The following NRXN1 variants were observed in gnomAD, a reference collection of about 807,000 sequenced individuals.
NRXN1 encodes the protein neurexin-1.
In NRXN1, 39 loss-of-function variants were observed where a neutral mutation model predicts 150.9. That is an observed-to-expected ratio of 0.26 (90% confidence interval 0.20 to 0.34). The LOEUF is 0.34. NRXN1 is among the 10% of genes least tolerant of loss of function. The pLI is 1.00. For missense variants in NRXN1, 1,815 were observed against 1,949.9 expected, an observed-to-expected ratio of 0.93 and a Z score of 1.30; for synonymous variants, 924 against 757.0, an observed-to-expected ratio of 1.22 and a Z score of -3.62.
intron 8 of NRXN1, among the ~76,000 whole-genome samples, chr2:50,607,133 A>T (rs1467778395): frequency 2.0e-5 from 3 of 152,126 alleles, no homozygotes; most frequent in Admixed American, 2.0e-4. Flanking sequence ...AATGCCATAA[A>T]ATTCTGATGT....
At chr2:50,598,308 C>A (rs1675579346) in intron 8 of NRXN1, among the ~76,000 whole-genome samples, 1 of 152,056 alleles carries the variant, frequency 6.6e-6, no homozygotes, top group Admixed American at 6.6e-5. Context: ...CCCTTAGAAT[C>A]ACATTGATTT....
intron 5 of NRXN1, among the ~76,000 whole-genome samples, chr2:50,911,944 T>C (rs1267382870): frequency 6.6e-6 from 1 of 151,778 alleles, no homozygotes; most frequent in Non-Finnish European, 1.5e-5. Context: ...GTAGATCTAA[T>C]AGAATAACTA....
At chr2:50,893,217 A>G (rs1474569196) in intron 5 of NRXN1, among the ~76,000 whole-genome samples, 1 of 152,170 alleles carries the variant, frequency 6.6e-6, no homozygotes, top group Non-Finnish European at 1.5e-5. Context: ...CAGCTGTCAC[A>G]TGTGTTTATA....
intron 5 of NRXN1, among the ~76,000 whole-genome samples, chr2:50,805,011 G>C (rs917246765): frequency 6.6e-5 from 10 of 152,172 alleles, no homozygotes; most frequent in African/African-American, 2.4e-4. Flanking sequence ...TGACCTTTTT[G>C]TAGCCTCTTT....
At chr2:50,788,117 T>A (rs1460705004) in intron 5 of NRXN1, among the ~76,000 whole-genome samples, 1 of 151,644 alleles carries the variant, frequency 6.6e-6, no homozygotes, top group Non-Finnish European at 1.5e-5. Context: ...TTTTGAGACT[T>A]GCTCTGTCGC....
chr2:50,113,789 T>C (rs1425356327), intron 18 of NRXN1, among the ~76,000 whole-genome samples: 1 of 152,204 alleles, frequency 6.6e-6, no homozygotes, highest in Non-Finnish European at 1.5e-5. Context: ...AGATCTTGCC[T>C]GACACCACTA....
intron 5 of NRXN1, among the ~76,000 whole-genome samples, chr2:50,869,078 C>T (rs918662986): frequency 6.6e-6 from 1 of 151,812 alleles, no homozygotes; most frequent in South Asian, 2.1e-4. Context: ...AGACACAATG[C>T]CATTGTGTTT....
chr2:50,531,938 T>C (rs2093127137), intron 10 of NRXN1, among the ~76,000 whole-genome samples: 1 of 152,052 alleles, frequency 6.6e-6, no homozygotes, highest in African/African-American at 2.4e-5. Flanking sequence ...CATGACCTCC[T>C]GAGCTCAAGC....
intron 1 of NRXN1, among the ~76,000 whole-genome samples, chr2:51,030,955 CT>C (rs1000802374): frequency 2.5e-4 from 38 of 151,632 alleles, no homozygotes; most frequent in Admixed American, 5.9e-4. Flanking sequence ...ATCACATAAC[CT>C]TTTTTCTCCC....
chr2:50,945,362 G>A (rs1690179716), intron 2 of NRXN1, among the ~76,000 whole-genome samples: 1 of 152,058 alleles, frequency 6.6e-6, no homozygotes, highest in African/African-American at 2.4e-5. Context: ...TACTGAAGAG[G>A]CTGAGGCAGG....
chr2:50,961,092 T>C (rs1175869454), intron 2 of NRXN1, among the ~76,000 whole-genome samples: 1 of 151,902 alleles, frequency 6.6e-6, no homozygotes, highest in African/African-American at 2.4e-5. Context: ...GATACAGAGA[T>C]AAGACTTTAA....
At chr2:50,813,549 G>T (rs1487623212) in intron 5 of NRXN1, among the ~76,000 whole-genome samples, 1 of 152,026 alleles carries the variant, frequency 6.6e-6, no homozygotes, top group African/African-American at 2.4e-5. Flanking sequence ...TTCTCAAAGT[G>T]CATTTTTATG....
At chr2:50,714,276 T>A (rs1351574286) in intron 5 of NRXN1, among the ~76,000 whole-genome samples, 1 of 152,084 alleles carries the variant, frequency 6.6e-6, no homozygotes, top group African/African-American at 2.4e-5. Flanking sequence ...AGAGGCCAAA[T>A]GAAATCCTCA....
intron 17 of NRXN1, among the ~76,000 whole-genome samples, chr2:50,371,798 T>C (rs995753421): frequency 1.3e-5 from 2 of 151,850 alleles, no homozygotes; most frequent in Non-Finnish European, 2.9e-5. Context: ...TTATAAAATA[T>C]AGTAAAATAT....
chr2:50,016,239 G>A (rs1268686582), intron 21 of NRXN1, among the ~76,000 whole-genome samples: 3 of 152,022 alleles, frequency 2.0e-5, no homozygotes, highest in Non-Finnish European at 4.4e-5. Flanking sequence ...TGAGTCTCAG[G>A]ATAAGACCGA....
chr2:51,021,154 A>C (rs1342175594), intron 2 of NRXN1, among the ~76,000 whole-genome samples: 4 of 152,006 alleles, frequency 2.6e-5, no homozygotes, highest in Admixed American at 1.3e-4. Flanking sequence ...TAAACCAAAA[A>C]ACTTTAAAAA....
chr2:50,234,653 A>C (rs1391125632), intron 18 of NRXN1, among the ~76,000 whole-genome samples: 4 of 152,080 alleles, frequency 2.6e-5, no homozygotes, highest in Non-Finnish European at 5.9e-5. Context: ...TTAGTTGATA[A>C]GGAGTGGGTA....
intron 5 of NRXN1, among the ~76,000 whole-genome samples, chr2:50,852,883 T>C (rs559981720): frequency 6.6e-6 from 1 of 152,150 alleles, no homozygotes; most frequent in Non-Finnish European, 1.5e-5. Context: ...TTAGTTGAAA[T>C]AGAGTCCTTT....
chr2:50,891,133 A>T (rs1680995287), intron 5 of NRXN1, among the ~76,000 whole-genome samples: 1 of 151,960 alleles, frequency 6.6e-6, no homozygotes, highest in African/African-American at 2.4e-5. Flanking sequence ...GTAACTATTG[A>T]TTGTTTAGAG....
Sources: gnomAD v4.1 joint callset for allele counts (sites outside exome capture counted in the v4.1 genomes callset) on GRCh38, gnomAD v4.1.1 for gene constraint, MANE v1.5 for transcripts, NCBI Gene and HGNC (gene_info 2026-07-23, HGNC 2026-07-21) for gene names.